DAPK1: variants seen among roughly 807,000 people sequenced by gnomAD.
DAPK1 encodes death-associated protein kinase 1.
In DAPK1, 56 loss-of-function variants were observed where a neutral mutation model predicts 144.9. The observed-to-expected ratio is 0.39, with a 90% CI of 0.31 to 0.48. The LOEUF (loss-of-function observed/expected upper bound fraction) is 0.48, where lower values mean the gene tolerates loss of function less well. Among genes scored for constraint, DAPK1 ranks in the 20% least tolerant of loss-of-function variants. The pLI is 0.95. For synonymous variants in DAPK1, 690 were observed against 749.0 expected (o/e 0.92, Z 1.29); for missense variants, 1,454 against 1,875.4 (o/e 0.78, Z 4.15).
intron 2 of DAPK1, among the ~76,000 whole-genome samples, chr9:87,589,565 T>TC (rs397715033): frequency 1.0e-4 from 15 of 148,946 alleles, no homozygotes; most frequent in Non-Finnish European, 1.9e-4. Flanking sequence ...CTTTTTTTTT[T>TC]ATATGAACTG....
intron 2 of DAPK1, among the ~76,000 whole-genome samples, chr9:87,528,083 G>A (rs1825576211): frequency 6.6e-6 from 1 of 152,236 alleles, no homozygotes; most frequent in African/African-American, 2.4e-5. Flanking sequence ...TGATACTAAT[G>A]TACTGTGAGA....
At chr9:87,639,623 G>A in intron 5 of DAPK1, 27 bp from the exon 6 acceptor site, 1 of 1,613,850 alleles carries the variant, frequency 6.2e-7, no homozygotes, top group Middle Eastern at 1.7e-4. Flanking sequence ...TTCCTCCCAA[G>A]CTAAATGAGT....
chr9:87,647,574 A>G (rs36213345), intron 14 of DAPK1, among the ~76,000 whole-genome samples, 171 bp downstream of exon 14: 1 of 152,216 alleles, frequency 6.6e-6, no homozygotes, highest in Non-Finnish European at 1.5e-5. Context: ...TTGGTCTAAT[A>G]CTGAAATCAG....
chr9:87,520,812 A>G (rs1236597591), intron 2 of DAPK1, among the ~76,000 whole-genome samples: 1 of 152,224 alleles, frequency 6.6e-6, no homozygotes, highest in African/African-American at 2.4e-5. Context: ...CATACTCAGT[A>G]TAAATATACA....
chr9:87,657,288 A>G (rs1287917222), intron 17 of DAPK1: 1 of 152,462 alleles, frequency 6.6e-6, no homozygotes, highest in Non-Finnish European at 1.5e-5. Context: ...CACATTACGT[A>G]CAATCTGATG....
chr9:87,591,426 T>C (rs1019973853), intron 2 of DAPK1, among the ~76,000 whole-genome samples: 1 of 152,232 alleles, frequency 6.6e-6, no homozygotes, highest in Non-Finnish European at 1.5e-5. Context: ...TGTTTTTCCA[T>C]GTTCAGAAAG....
chr9:87,706,967 A>G lies in DAPK1; in HGVS notation c.3896A>G (p.Asp1299Gly), dbSNP rs1329871931. 1 of 1,613,380 alleles carries G rather than the reference A, an allele frequency of 6.2e-7. No individual in the cohort carries two copies. Among genetic ancestry groups the G allele is most frequent in the South Asian group, 1.1e-5 (1 of 91,050 alleles). ...DVYSQASLGM[D>G]IHASDLNLLT... ...TACTCACAGGCCAGCCTCGGCATGGACATCCATGCATCAGACCTGAACCTC... is the reference window on the plus strand; with the variant it reads ...TACTCACAGGCCAGCCTCGGCATGGGCATCCATGCATCAGACCTGAACCTC... The change falls in exon 26 of 26, where the codon GAC becomes GGC. Residue 1299 changes from aspartate to glycine, a missense_variant. Coordinates refer to ENST00000408954, the MANE Select transcript of DAPK1 (RefSeq NM_004938.4). The surrounding 1 kb of genome is among the most constrained non-coding windows in gnomAD (Gnocchi z 9.0).
intron 2 of DAPK1, among the ~76,000 whole-genome samples, chr9:87,587,685 G>C (rs1827983732): frequency 6.6e-6 from 1 of 152,200 alleles, no homozygotes; most frequent in South Asian, 2.1e-4. Flanking sequence ...TATTTCATAA[G>C]CGTAATCAGT....
chr9:87,612,030 T>A (rs1204277173), intron 3 of DAPK1, among the ~76,000 whole-genome samples: 7 of 152,206 alleles, frequency 4.6e-5, no homozygotes, highest in Non-Finnish European at 8.8e-5. Flanking sequence ...GTGAGTCTTC[T>A]TACTGTCATA....
At chr9:87,647,117 A>G (rs921513144) in intron 13 of DAPK1, among the ~76,000 whole-genome samples, 188 bp from the exon 14 acceptor site, 1 of 152,270 alleles carries the variant, frequency 6.6e-6, no homozygotes, top group East Asian at 1.9e-4. Context: ...CCCTAATGCT[A>G]GCATCTTGTG....
At chr9:87,648,484 G>A (rs1005077565) in intron 14 of DAPK1, 11 of 337,296 alleles carry the variant, frequency 3.3e-5, no homozygotes, top group African/African-American at 2.3e-4. Flanking sequence ...ACAGCTAGAA[G>A]TATCAGCACA....
At chr9:87,616,466 G>T (rs186344519) in intron 3 of DAPK1, among the ~76,000 whole-genome samples, 1 of 152,280 alleles carries the variant, frequency 6.6e-6, no homozygotes, top group East Asian at 1.9e-4. Flanking sequence ...ACAGTTTTGG[G>T]GGGAAACGTT....
At chr9:87,571,822 C>A (rs1350126017) in intron 2 of DAPK1, among the ~76,000 whole-genome samples, 1 of 152,164 alleles carries the variant, frequency 6.6e-6, no homozygotes, top group East Asian at 1.9e-4. Context: ...GCCTCTGTGT[C>A]CCCTGGGATG....
intron 18 of DAPK1, among the ~76,000 whole-genome samples, chr9:87,662,838 G>A (rs1830912986): frequency 6.6e-6 from 1 of 151,696 alleles, no homozygotes; most frequent in East Asian, 1.9e-4. Flanking sequence ...TTGATCTGGC[G>A]AGGACTTCCA....
At chr9:87,676,546 A>G (rs960746403) in intron 19 of DAPK1, among the ~76,000 whole-genome samples, 3 of 152,228 alleles carry the variant, frequency 2.0e-5, no homozygotes, top group Non-Finnish European at 1.5e-5. Context: ...TTTTCTTGTG[A>G]AGGGAAATAC....
chr9:87,699,753 C>G (rs970663493), intron 23 of DAPK1, among the ~76,000 whole-genome samples: 1 of 152,206 alleles, frequency 6.6e-6, no homozygotes, highest in African/African-American at 2.4e-5. Context: ...ATTCACACCT[C>G]TATTCTTAGT....
rs73481359 is a variant in DAPK1 at position 87,636,867 on chromosome 9, A to G, written c.285-1076A>G. ...AAAACTTCCCTGTTATTTGCCATTC[A>G]TCGCTATCGTGGAGTTTTTAGGGGA... On this transcript the variant is annotated intron_variant, in intron 3 of 25. Transcript: ENST00000408954. Among the ~76,000 whole-genome samples the G allele has an allele frequency of 7.2e-3, 1,097 of 152,286 alleles. 11 individuals carry two copies. Among genetic ancestry groups the G allele is most frequent in the African/African-American group, 0.025 (1,035 of 41,548 alleles).
intron 3 of DAPK1, among the ~76,000 whole-genome samples, chr9:87,615,267 GT>G (rs1355781714): frequency 6.6e-6 from 1 of 152,192 alleles, no homozygotes; most frequent in Non-Finnish European, 1.5e-5. Context: ...TTCCCTGTGT[GT>G]AACTTGTTTT....
At chr9:87,623,942 A>G (rs1031285178) in intron 3 of DAPK1, among the ~76,000 whole-genome samples, 11 of 152,176 alleles carry the variant, frequency 7.2e-5, no homozygotes, top group African/African-American at 2.4e-4. Context: ...GATAATTGCC[A>G]TTCACTGAGC....
Sources: gnomAD v4.1 joint callset for allele counts (sites outside exome capture counted in the v4.1 genomes callset) on GRCh38, gnomAD v4.1.1 for gene constraint, Gnocchi (gnomAD v3.1) non-coding constraint, MANE v1.5 for transcripts, NCBI Gene and HGNC (gene_info 2026-07-23, HGNC 2026-07-21) for gene names.